The following TTC6 variants were observed in gnomAD, a reference collection of about 807,000 sequenced individuals.
TTC6 encodes the protein tetratricopeptide repeat domain 6.
Under a neutral mutation model 210.4 loss-of-function variants are expected in TTC6, and 172 were observed. That is an observed-to-expected ratio of 0.82 (90% CI 0.72 to 0.93). TTC6 has a LOEUF of 0.93. TTC6 is among the 40% of genes least tolerant of loss of function. The pLI is 0.00. For missense variants in TTC6, 2,414 were observed against 2,318.1 expected, an observed-to-expected ratio of 1.04 and a Z score of -0.85; for synonymous variants, 804 against 819.6, an observed-to-expected ratio of 0.98 and a Z score of 0.32.
At chr14:37,797,836 G>A (rs1274326580) in intron 20 of TTC6, among the ~76,000 whole-genome samples, 1 of 151,800 alleles carries the variant, frequency 6.6e-6, no homozygotes, top group Admixed American at 6.6e-5. Context: ...TTTAGCATGA[G>A]AGAGTGATAA....
chr14:37,770,381 C>G (rs2096014060), intron 14 of TTC6, among the ~76,000 whole-genome samples: 1 of 152,162 alleles, frequency 6.6e-6, no homozygotes. Context: ...TCTCATTGAA[C>G]TGTCTAATGT....
At chr14:37,644,558 A>G (rs913505233) in intron 1 of TTC6, among the ~76,000 whole-genome samples, 6 of 152,242 alleles carry the variant, frequency 3.9e-5, no homozygotes, top group African/African-American at 1.2e-4. Flanking sequence ...CTTGGCAGCC[A>G]TATGCCAAGG....
intron 5 of TTC6, among the ~76,000 whole-genome samples, chr14:37,704,100 T>C (rs556893323): frequency 4.6e-4 from 70 of 152,284 alleles, no homozygotes; most frequent in Non-Finnish European, 8.1e-4. Flanking sequence ...AAAAATTTTT[T>C]AATAGAGACA....
chr14:37,785,941 C>T (rs929990927), intron 14 of TTC6, among the ~76,000 whole-genome samples: 1 of 152,130 alleles, frequency 6.6e-6, no homozygotes, highest in African/African-American at 2.4e-5. Context: ...CAGAACCACA[C>T]ATGTTGCAGA....
intron 1 of TTC6, among the ~76,000 whole-genome samples, chr14:37,676,972 A>G (rs2095771269): frequency 6.6e-6 from 1 of 152,092 alleles, no homozygotes; most frequent in Admixed American, 6.6e-5. Flanking sequence ...GTTTGATAGT[A>G]AATTTTGAAA....
exon 1 of TTC6, chr14:37,595,934 C>G (rs1381009297): frequency 6.6e-6 from 1 of 152,242 alleles, no homozygotes; most frequent in Admixed American, 6.5e-5. Context: ...AGCCAAGTGA[C>G]GTTAGGCCGA....
intron 3 of TTC6, among the ~76,000 whole-genome samples, chr14:37,691,855 A>G (rs1476503447): frequency 6.6e-6 from 1 of 152,086 alleles, no homozygotes; most frequent in Non-Finnish European, 1.5e-5. Flanking sequence ...GAAAAAGAAG[A>G]CATAACTACA....
chr14:37,658,825 T>C (rs2095730597), intron 1 of TTC6, among the ~76,000 whole-genome samples: 1 of 152,194 alleles, frequency 6.6e-6, no homozygotes, highest in African/African-American at 2.4e-5. Context: ...ATTATACAGA[T>C]AAACTCACGT....
At chr14:37,827,209 C>A in exon 29 of TTC6, 2 of 1,612,308 alleles carry the variant, frequency 1.2e-6, no homozygotes, top group Non-Finnish European at 1.7e-6. Context: ...AGTACTACAG[C>A]AGAATTCTTA....
At chr14:37,608,397 C>A (rs1194956511) in intron 2 of TTC6, among the ~76,000 whole-genome samples, 1 of 152,014 alleles carries the variant, frequency 6.6e-6, no homozygotes, top group Non-Finnish European at 1.5e-5. Flanking sequence ...GCAGCCTCGA[C>A]TTCCTGGGCC....
At chr14:37,671,669 AAT>A (rs2095758451) in intron 1 of TTC6, among the ~76,000 whole-genome samples, 1 of 152,126 alleles carries the variant, frequency 6.6e-6, no homozygotes, top group Non-Finnish European at 1.5e-5. Context: ...AGACATAGCA[AAT>A]ATGTTTCCAT....
At chr14:37,753,017 A>G (rs1266115601) in intron 13 of TTC6, 82 bp from the exon 16 acceptor site, 4 of 1,090,970 alleles carry the variant, frequency 3.7e-6, no homozygotes, top group African/African-American at 3.2e-5. Context: ...AGTTAAAAAC[A>G]TAGTTTTAGA....
At chr14:37,678,522 T>C (rs1595094445) in intron 1 of TTC6, among the ~76,000 whole-genome samples, 1 of 152,200 alleles carries the variant, frequency 6.6e-6, no homozygotes, top group Non-Finnish European at 1.5e-5. Flanking sequence ...ATCTCCACAC[T>C]GTTCCTTACA....
intron 1 of TTC6, among the ~76,000 whole-genome samples, chr14:37,639,715 CAA>C (rs35837305): frequency 0.051 from 3,813 of 74,136 alleles, 187 homozygotes; most frequent in African/African-American, 0.18. Context: ...ACAAGAAATA[CAA>C]AAAAAAAAAA....
intron 14 of TTC6, among the ~76,000 whole-genome samples, chr14:37,756,085 C>T (rs942491449): frequency 6.6e-6 from 1 of 152,030 alleles, no homozygotes; most frequent in African/African-American, 2.4e-5. Context: ...AAGTTGTATT[C>T]TTAGATATTT....
chr14:37,635,078 T>A (rs1246531997), intron 1 of TTC6, among the ~76,000 whole-genome samples: 2 of 152,198 alleles, frequency 1.3e-5, no homozygotes, highest in African/African-American at 2.4e-5. Context: ...TTCCTTCTCC[T>A]CTTGCGTTTT....
chr14:37,746,234 T>C (rs2095935632), intron 10 of TTC6, among the ~76,000 whole-genome samples: 1 of 152,200 alleles, frequency 6.6e-6, no homozygotes, highest in African/African-American at 2.4e-5. Context: ...TGTCATTCTT[T>C]TCCAGCTCTG....
At chr14:37,799,315 A>T (rs184082300) in intron 20 of TTC6, among the ~76,000 whole-genome samples, 31 of 152,128 alleles carry the variant, frequency 2.0e-4, no homozygotes, top group Admixed American at 2.0e-3. Flanking sequence ...TGCTCTCTTG[A>T]CCTCACCAAT....
At chr14:37,615,156 C>G (rs1467651539) in intron 2 of TTC6, among the ~76,000 whole-genome samples, 1 of 152,092 alleles carries the variant, frequency 6.6e-6, no homozygotes, top group Non-Finnish European at 1.5e-5. Context: ...TTATTGTTTC[C>G]CTGTCAATAA....
Sources: gnomAD v4.1 joint callset for allele counts (sites outside exome capture counted in the v4.1 genomes callset) on GRCh38, gnomAD v4.1.1 for gene constraint, MANE v1.5 for transcripts, NCBI Gene and HGNC (gene_info 2026-07-23, HGNC 2026-07-21) for gene names.